Variants in TOR1AIP2 observed in about 807,000 individuals in gnomAD.
TOR1AIP2 encodes torsin-1A-interacting protein 2.
TOR1AIP2 carries 20 observed loss-of-function variants against 32.6 expected under a neutral mutation model. The observed-to-expected ratio is 0.61, with a 90% confidence interval of 0.43 to 0.89. The LOEUF is 0.89. TOR1AIP2 is among the 40% of genes least tolerant of loss of function. TOR1AIP2 has a pLI of 0.00. For missense variants in TOR1AIP2, 456 were observed against 553.8 expected (o/e 0.82, Z 1.77); for synonymous variants, 214 against 210.8 (o/e 1.02, Z -0.13).
chr1:179,851,304 T>C lies in TOR1AIP2; in HGVS notation c.94A>G (p.Ile32Val), dbSNP rs1352761079. 5.6e-6 allele frequency: 9 copies of C among 1,606,200 alleles called. No homozygotes were observed. Among genetic ancestry groups the C allele is most frequent in the Non-Finnish European group, 6.8e-6 (8 of 1,178,960 alleles). ...GCTTCTTCAGCATTACTTGCTATGA[T>C]TGTGGTCTCCTGCGCCTGAGAATTT... ...SVNSQAQETT[I>V]IASNAEEAEI... The change falls in exon 5 of 7, where the codon ATC (isoleucine) becomes GTC (valine). Residue 32 changes from isoleucine to valine, a missense_variant. Coordinates refer to ENST00000609928, the MANE Select transcript of TOR1AIP2 (RefSeq NM_001199260.2).
At position 179,850,073 on chromosome 1, in the gene TOR1AIP2, TTATA is replaced by T. The variant is rs1696058140; in HGVS notation, c.553+768_553+771del. 1.5e-3 allele frequency among the ~76,000 whole-genome samples: 228 copies of T among 152,356 alleles called. 2 individuals are homozygous for T. The highest frequency in any genetic ancestry group is 5.4e-3 in the African/African-American group (224 of 41,570). On this transcript the variant is annotated intron_variant, in intron 5 of 6. Coordinates refer to ENST00000609928, the MANE Select transcript of TOR1AIP2 (RefSeq NM_001199260.2). ...TTTCAGACTGAGCTCTTCAGAGTGC[TTATA>T]AAATACAAACCCACACAGACAATCA...
At chr1:179,849,073 T>G (rs1696025344) in intron 5 of TOR1AIP2, among the ~76,000 whole-genome samples, 2 of 152,006 alleles carry the variant, frequency 1.3e-5, no homozygotes, top group Non-Finnish European at 2.9e-5. Context: ...GAGGCGGAGC[T>G]TGCAGTGAGC....
chr1:179,863,132 A>C, intron 3 of TOR1AIP2: 1 of 474,044 alleles, frequency 2.1e-6, no homozygotes, highest in Non-Finnish European at 2.7e-6. Context: ...AGGCTGAGGC[A>C]GGAGAATTGC....
chr1:179,844,501 C>T lies in TOR1AIP2; in HGVS notation c.*1570G>A, dbSNP rs1300773393. On this transcript the variant is annotated 3_prime_UTR_variant, in exon 7 of 7. Coordinates refer to ENST00000609928, the MANE Select transcript of TOR1AIP2 (RefSeq NM_001199260.2). ...AATAATCCAGGATTATGGTAATAGT[C>T]TATATAATGGAACAGACCCTTTGTT... The T allele has an allele frequency of 6.6e-6, 1 of 152,130 alleles. No individual in the cohort carries two copies. Among genetic ancestry groups the T allele is most frequent in the African/African-American group, 2.4e-5 (1 of 41,424 alleles). 9.4% of individuals were successfully genotyped at this position (152,130 alleles called of 1,614,324 possible).
intron 3 of TOR1AIP2, chr1:179,865,007 G>A (rs776820195): frequency 2.5e-6 from 4 of 1,613,988 alleles, no homozygotes; most frequent in East Asian, 2.2e-5. Flanking sequence ...TCTATTAGCA[G>A]GATTATCAGG....
intron 3 of TOR1AIP2, among the ~76,000 whole-genome samples, chr1:179,854,640 C>A (rs761305345): frequency 2.6e-5 from 4 of 152,102 alleles, no homozygotes; most frequent in African/African-American, 7.2e-5. Flanking sequence ...GAGGCTGAGG[C>A]GGGCAGATCA....
intron 3 of TOR1AIP2, 196 bp downstream of exon 3, chr1:179,865,240 A>T: frequency 1.3e-6 from 2 of 1,517,236 alleles, no homozygotes; most frequent in Non-Finnish European, 1.8e-6. Flanking sequence ...ACAGAGAGAG[A>T]CGCCCAAACA....
At position 179,842,134 on chromosome 1, in the gene TOR1AIP2, T is replaced by C. The variant is rs1368391877; in HGVS notation, c.*3937A>G. On this transcript the variant is annotated 3_prime_UTR_variant, in exon 7 of 7. Transcript: ENST00000609928. ...AGAATCGCTTGAACCTGGGAGGCAG[T>C]GGTTGCAGTGAGCCGAGATATCGCA... The C allele has an allele frequency of 2.6e-5, 4 of 151,650 alleles. No individual in the cohort carries two copies. The highest frequency in any genetic ancestry group is 4.4e-5 in the Non-Finnish European group (3 of 68,028). 9.4% of individuals were successfully genotyped at this position (151,650 alleles called of 1,614,324 possible).
chr1:179,840,873 AT>A lies in TOR1AIP2; in HGVS notation c.*5197del, dbSNP rs571841812. 8 of 132,024 alleles carry A rather than the reference AT, an allele frequency of 6.1e-5. No individual in the cohort carries two copies. The East Asian group carries it at 1.7e-3, about 29-fold the overall frequency. The allele number at this position is 132,024 out of a possible 1,614,324, so 8.2% of individuals were successfully genotyped here. ...ACAAACCTGCATGTTCTCCACATGT[AT>A]CCCAGAACTTAAACTATAATAATAA... On this transcript the variant is annotated 3_prime_UTR_variant, in exon 7 of 7. Transcript: ENST00000609928.
In TOR1AIP2 at chr1:179,850,847, G is replaced by A. The variant is rs748173529; in HGVS notation, c.551C>T (p.Pro184Leu). The change falls in exon 5 of 7, where the codon CCA becomes CTA. Residue 184 changes from proline to leucine, a missense_variant and splice_region_variant. Transcript: ENST00000609928. ...EDTLRRRLLA[P>L]EAGSHPQQTQ... ...AGTAGTTCAGGGGGTTCTCTTACCT[G>A]GGGCCAGCAGTCGCCTCCTCAGTGT... is the stretch of plus-strand genomic sequence containing the variant. 8 of 1,612,398 alleles carry A rather than the reference G, an allele frequency of 5.0e-6. No individual in the cohort carries two copies. Among genetic ancestry groups the A allele is most frequent in the South Asian group, 1.1e-5 (1 of 90,968 alleles).
intron 3 of TOR1AIP2, among the ~76,000 whole-genome samples, chr1:179,856,523 G>C (rs963841860): frequency 6.6e-6 from 1 of 152,158 alleles, no homozygotes; most frequent in African/African-American, 2.4e-5. Flanking sequence ...AGTACAAGAA[G>C]TGGGACAAAC....
chr1:179,861,415 T>A (rs1696524570), intron 3 of TOR1AIP2: 1 of 985,256 alleles, frequency 1.0e-6, no homozygotes, highest in Middle Eastern at 5.2e-4. Flanking sequence ...CTCAATTTTA[T>A]GAGCTCTACT....
In TOR1AIP2 at chr1:179,851,295, T is replaced by C; in HGVS notation, c.103A>G (p.Ser35Gly). Residue 35 changes from serine (S) to glycine (G), a missense_variant, in exon 5 of 7, where the codon AGT (serine) becomes GGT (glycine). Transcript: ENST00000609928. The stretch of plus-strand genomic sequence containing the variant: ...AGGATCTCAGCTTCTTCAGCATTAC[T>C]TGCTATGATTGTGGTCTCCTGCGCC... ...SQAQETTIIA[S>G]NAEEAEILHS... The C allele has an allele frequency of 6.2e-7, 1 of 1,607,814 alleles. No individual in the cohort carries two copies. The highest frequency in any genetic ancestry group is 1.1e-5 in the South Asian group (1 of 90,908).
chr1:179,858,236 AT>A (rs1274941560), intron 3 of TOR1AIP2, among the ~76,000 whole-genome samples: 5 of 152,322 alleles, frequency 3.3e-5, no homozygotes, highest in Admixed American at 2.6e-4. Context: ...GTTTGAAAGT[AT>A]TCCATTTTTT....
intron 3 of TOR1AIP2, chr1:179,863,914 A>T: frequency 1.0e-6 from 1 of 985,420 alleles, no homozygotes; most frequent in Non-Finnish European, 1.2e-6. Context: ...GCCAATGTTC[A>T]GCAGACCTCC....
rs148164200 is a variant in TOR1AIP2, at chr1:179,850,758, C to G, written c.553+87G>C. Reference sequence around the variant, plus strand: ...ACTCCTATGAAAGATGACAAAAGTTCTCTGGAAAGAAGGCCTCTGACTTCT... The same window carrying G: ...ACTCCTATGAAAGATGACAAAAGTTGTCTGGAAAGAAGGCCTCTGACTTCT... On this transcript the variant is annotated intron_variant, in intron 5 of 6. Coordinates refer to ENST00000609928, the MANE Select transcript of TOR1AIP2 (RefSeq NM_001199260.2). 8.1e-6 allele frequency: 12 copies of G among 1,488,068 alleles called. No homozygotes were observed. The East Asian group carries it at 2.7e-4, about 34-fold the overall frequency. 92.2% of individuals were successfully genotyped at this position (1,488,068 alleles called of 1,614,324 possible). A position where few individuals can be genotyped will look rare whatever the true frequency, so the allele number is the denominator to read the frequency against.
chr1:179,856,169 G>A (rs534800683), intron 3 of TOR1AIP2, among the ~76,000 whole-genome samples: 7 of 152,042 alleles, frequency 4.6e-5, no homozygotes, highest in South Asian at 4.1e-4. Context: ...GCAAAACTCC[G>A]TCTCAAAAAA....
chr1:179,847,501 A>G, intron 6 of TOR1AIP2, 34 bp downstream of exon 6: 2 of 1,399,038 alleles, frequency 1.4e-6, no homozygotes. Flanking sequence ...CTGAAAGTGA[A>G]TCAACACTGC....
In TOR1AIP2 at chr1:179,850,977, T is replaced by C. The variant is rs760263804; in HGVS notation, c.421A>G (p.Lys141Glu). The C allele has an allele frequency of 1.7e-5, 28 of 1,614,078 alleles. No individual in the cohort carries two copies. The African/African-American group carries it at 3.2e-4, about 18-fold the overall frequency. ...HLGSSSVALP[K>E]EASDGTGASQ... ...GCTCCAGTTCCGTCACTCGCTTCCT[T>C]AGGGAGGGCCACAGAGCTGCTCCCT... The change falls in exon 5 of 7, where the codon AAG becomes GAG. Residue 141 changes from lysine to glutamate, a missense_variant. Coordinates refer to ENST00000609928, the MANE Select transcript of TOR1AIP2 (RefSeq NM_001199260.2).
Sources: gnomAD v4.1 joint callset for allele counts (sites outside exome capture counted in the v4.1 genomes callset) on GRCh38, gnomAD v4.1.1 for gene constraint, MANE v1.5 for transcripts, NCBI Gene and HGNC (gene_info 2026-07-23, HGNC 2026-07-21) for gene names.